ATG12: variants seen among roughly 807,000 people sequenced by gnomAD.
The protein encoded by ATG12 is autophagy related 12.
In ATG12, 19 loss-of-function variants were observed where a neutral mutation model predicts 17.6. The ratio of observed to expected loss-of-function variants is 1.08; its 90% CI spans 0.75 to 1.58. The LOEUF is 1.58. Ranked by LOEUF, ATG12 falls within the 40% of genes most tolerant of loss-of-function variation. The pLI is 0.00. For missense variants in ATG12, 214 were observed against 162.0 expected (o/e 1.32, Z -1.74); for synonymous variants, 75 against 62.4 (o/e 1.20, Z -0.95).
chr5:115,828,942 A>C lies in ATG12; in HGVS notation c.*2862T>G, dbSNP rs1760750587. The C allele has an allele frequency of 6.6e-6, 1 of 152,226 alleles. No individual in the cohort carries two copies. Among genetic ancestry groups the C allele is most frequent in the South Asian group, 2.1e-4 (1 of 4,834 alleles). 9.4% of individuals were successfully genotyped at this position (152,226 alleles called of 1,614,324 possible). On this transcript the variant is annotated 3_prime_UTR_variant, in exon 4 of 4. Coordinates refer to ENST00000509910, the MANE Select transcript of ATG12 (RefSeq NM_004707.4). ...TAGCCTTTAAAAAGTTAAAATCTGA[A>C]TCAGGCCTTGAAGAAGAGTTAGGAT...
chr5:115,841,511 TG>T lies in ATG12; in HGVS notation c.41del (p.Ser14Ter). 6.2e-7 allele frequency: 1 copy of T among 1,612,284 alleles called. No homozygotes were observed. Among genetic ancestry groups the T allele is most frequent in the Non-Finnish European group, 8.5e-7 (1 of 1,179,382 alleles). ...TAAGTCCTTCCCCTCCAGCAGCAATTGAAGTAGGAAGCTGCAACACAGACTG... is the reference window on the plus strand; with the variant it reads ...TAAGTCCTTCCCCTCCAGCAGCAATTAAGTAGGAAGCTGCAACACAGACTG... ...EPQSVLQLPTSIAAGGEGLTD... is the reference protein window; with the variant it reads ...EPQSVLQLPTXIAAGGEGLTD... On this transcript the variant is annotated frameshift_variant, in exon 1 of 4. Coordinates refer to ENST00000509910, the MANE Select transcript of ATG12 (RefSeq NM_004707.4). LOFTEE classifies it high-confidence loss of function.
Position 115,832,582 on chromosome 5 carries a change from T to C in ATG12, c.363+20A>G, listed in dbSNP as rs1024985488. On this transcript the variant is annotated intron_variant, in intron 3 of 3. Transcript: ENST00000509910. ...GCAGTAATTTCTTTCTTTTTTTTTT[T>C]TTTTTTTTTTTTTTTTTACCTCATA... is the stretch of plus-strand genomic sequence containing the variant. The C allele has an allele frequency of 1.6e-5, 22 of 1,400,054 alleles. No individual in the cohort carries two copies. Among genetic ancestry groups the C allele is most frequent in the Middle Eastern group, 2.6e-4 (1 of 3,862 alleles). The allele number at this position is 1,400,054 out of a possible 1,614,324, so 86.7% of individuals were successfully genotyped here.
At position 115,840,941 on chromosome 5, in the gene ATG12, G is replaced by A. The variant is rs746604757; in HGVS notation, c.163+449C>T. On this transcript the variant is annotated intron_variant, in intron 1 of 3. Coordinates refer to ENST00000509910, the MANE Select transcript of ATG12 (RefSeq NM_004707.4). ...GGAGTGAATTCACAACCAACTGGGA[G>A]GGGGAAAAAAGCAAAAGCGAGTTAA... The A allele has an allele frequency of 5.6e-4, 711 of 1,259,342 alleles. 3 individuals are homozygous for A. The highest frequency in any genetic ancestry group is 7.0e-4 in the Non-Finnish European group (674 of 962,586). The allele number at this position is 1,259,342 out of a possible 1,614,324, so 78.0% of individuals were successfully genotyped here. A position where few individuals can be genotyped will look rare whatever the true frequency, so the allele number is the denominator to read the frequency against.
chr5:115,838,626 AACTTTTT>A (rs1435515729), intron 1 of ATG12: 29 of 152,366 alleles, frequency 1.9e-4, no homozygotes, highest in African/African-American at 7.0e-4. Context: ...TTCTGTAATA[AACTTTTT>A]AATAAAGGAA....
At chr5:115,838,581 T>C (rs1761199977) in intron 1 of ATG12, 1 of 152,236 alleles carries the variant, frequency 6.6e-6, no homozygotes, top group South Asian at 2.1e-4. Flanking sequence ...CAATGATTAC[T>C]TGGATTTACT....
intron 2 of ATG12, among the ~76,000 whole-genome samples, chr5:115,836,744 G>A (rs1177644226): frequency 6.6e-6 from 1 of 152,066 alleles, no homozygotes. Context: ...CCAAGATTGT[G>A]ATCTATTTGC....
chr5:115,832,569 T>G, intron 3 of ATG12, 33 bp downstream of exon 3: 1 of 981,336 alleles, frequency 1.0e-6, no homozygotes, highest in African/African-American at 2.1e-5. Flanking sequence ...AGTAATTTCT[T>G]TCTTTTTTTT....
chr5:115,832,544 T>C, intron 3 of ATG12, 58 bp downstream of exon 3: 1 of 1,463,470 alleles, frequency 6.8e-7, no homozygotes, highest in South Asian at 1.4e-5. Context: ...GCATACTCGA[T>C]TAAGAAAAAA....
chr5:115,838,625 A>C (rs1348992428), intron 1 of ATG12: 1 of 152,264 alleles, frequency 6.6e-6, no homozygotes, highest in Non-Finnish European at 1.5e-5. Flanking sequence ...TTTCTGTAAT[A>C]AACTTTTTAA....
At chr5:115,834,884 A>G (rs923445441) in intron 2 of ATG12, 10 of 152,164 alleles carry the variant, frequency 6.6e-5, no homozygotes, top group African/African-American at 2.2e-4. Context: ...GGTACTTCAG[A>G]TGTTTTTTCA....
At chr5:115,836,639 T>A (rs1333288679) in intron 2 of ATG12, among the ~76,000 whole-genome samples, 1 of 152,098 alleles carries the variant, frequency 6.6e-6, no homozygotes, top group Non-Finnish European at 1.5e-5. Context: ...AGCAAATATT[T>A]CCCCCAGTGC....
chr5:115,837,103 A>G (rs912844629), intron 2 of ATG12, among the ~76,000 whole-genome samples: 1 of 152,240 alleles, frequency 6.6e-6, no homozygotes, highest in Non-Finnish European at 1.5e-5. Context: ...GTATTCATGC[A>G]TACTTTCATG....
rs945817432 is a variant in ATG12, at chr5:115,830,999, A to C, written c.*805T>G. ...TTTTCAAGTTGGAAAATGCATTATGAAACACTCAAAAAGATGCTACTGGGT... is the reference window on the plus strand; with the variant it reads ...TTTTCAAGTTGGAAAATGCATTATGCAACACTCAAAAAGATGCTACTGGGT... On this transcript the variant is annotated 3_prime_UTR_variant, in exon 4 of 4. Coordinates refer to ENST00000509910, the MANE Select transcript of ATG12 (RefSeq NM_004707.4). The C allele has an allele frequency of 6.6e-6, 1 of 152,232 alleles. No individual in the cohort carries two copies. Among genetic ancestry groups the C allele is most frequent in the African/African-American group, 2.4e-5 (1 of 41,456 alleles). 9.4% of individuals were successfully genotyped at this position (152,232 alleles called of 1,614,324 possible). A position where few individuals can be genotyped will look rare whatever the true frequency, so the allele number is the denominator to read the frequency against.
intron 1 of ATG12, among the ~76,000 whole-genome samples, chr5:115,840,238 G>A (rs1470816313): frequency 6.6e-6 from 1 of 152,086 alleles, no homozygotes; most frequent in Non-Finnish European, 1.5e-5. Context: ...GGGCAGTCTT[G>A]GGAGAGAATT....
At chr5:115,834,699 A>G (rs1276696477) in intron 2 of ATG12, among the ~76,000 whole-genome samples, 2 of 152,200 alleles carry the variant, frequency 1.3e-5, no homozygotes, top group African/African-American at 4.8e-5. Flanking sequence ...TATGCAGGAT[A>G]TGAAAGCCTT....
rs938631492 is a variant in ATG12 at position 115,828,305 on chromosome 5, G to A, written c.*3499C>T. 12 of 152,106 alleles carry A rather than the reference G, an allele frequency of 7.9e-5. No individual in the cohort carries two copies. The highest frequency in any genetic ancestry group is 1.3e-4 in the Non-Finnish European group (9 of 68,008). The allele number at this position is 152,106 out of a possible 1,614,324, so 9.4% of individuals were successfully genotyped here. ...CGAACAAACTGAAGTTTATACTTAC[G>A]TTTCAAGGTTTTTGATATTGCCAAA... On this transcript the variant is annotated 3_prime_UTR_variant, in exon 4 of 4. Coordinates refer to ENST00000509910, the MANE Select transcript of ATG12 (RefSeq NM_004707.4).
chr5:115,831,723 C>G lies in ATG12; in HGVS notation c.*81G>C. On this transcript the variant is annotated 3_prime_UTR_variant, in exon 4 of 4. Coordinates refer to ENST00000509910, the MANE Select transcript of ATG12 (RefSeq NM_004707.4). Reference sequence around the variant, plus strand: ...TAGATCACATCTGTTAAGTCTCTTGCCACAAGCATCAAAACTTTTCAGAGC... The same window carrying G: ...TAGATCACATCTGTTAAGTCTCTTGGCACAAGCATCAAAACTTTTCAGAGC... 8 of 1,334,394 alleles carry G rather than the reference C, an allele frequency of 6.0e-6. No individual in the cohort carries two copies. Among genetic ancestry groups the G allele is most frequent in the Non-Finnish European group, 8.5e-6 (8 of 942,636 alleles). The allele number at this position is 1,334,394 out of a possible 1,614,324, so 82.7% of individuals were successfully genotyped here.
At position 115,837,905 on chromosome 5, in the gene ATG12, A is replaced by C. The variant is rs564571731; in HGVS notation, c.164-141T>G. ...ATACTGAAGATATGTGAGAGATGTA[A>C]AAATGTTAGATTCTTTTCCATCATT... On this transcript the variant is annotated intron_variant, in intron 1 of 3. Transcript: ENST00000509910. 3.2e-5 allele frequency: 22 copies of C among 693,934 alleles called. 1 individual carries two copies. In the South Asian group the frequency reaches 7.5e-4, roughly 24 times the overall value. The allele number at this position is 693,934 out of a possible 1,614,324, so 43.0% of individuals were successfully genotyped here. A position where few individuals can be genotyped will look rare whatever the true frequency, so the allele number is the denominator to read the frequency against.
chr5:115,838,569 G>C (rs1761199442), intron 1 of ATG12: 1 of 152,128 alleles, frequency 6.6e-6, no homozygotes, highest in Admixed American at 6.5e-5. Context: ...TGACATTGTA[G>C]GCAATGATTA....
Sources: gnomAD v4.1 joint callset for allele counts (sites outside exome capture counted in the v4.1 genomes callset) on GRCh38, gnomAD v4.1.1 for gene constraint, MANE v1.5 for transcripts, NCBI Gene and HGNC (gene_info 2026-07-23, HGNC 2026-07-21) for gene names.